Variants in PEX3 observed in about 807,000 individuals in gnomAD.
PEX3 encodes the protein peroxisomal biogenesis factor 3.
PEX3 carries 30 observed loss-of-function variants against 55.8 expected under a neutral mutation model. That is an observed-to-expected ratio of 0.54 (90% CI 0.40 to 0.73). The LOEUF (loss-of-function observed/expected upper bound fraction) is 0.73, where lower values mean the gene tolerates loss of function less well. Ranked by LOEUF, PEX3 falls within the 30% of genes least tolerant of loss-of-function variation. The probability of loss-of-function intolerance (pLI) is 0.00; values close to 1 mark genes in which losing one functional copy is unlikely to be tolerated. For missense variants in PEX3, 351 were observed against 432.8 expected (o/e 0.81, Z 1.68); for synonymous variants, 135 against 148.4 (o/e 0.91, Z 0.66).
In PEX3 at chr6:143,458,343, C is replaced by CT. The variant is rs973792612; in HGVS notation, c.74-734dup. Among the ~76,000 whole-genome samples the CT allele has an allele frequency of 1.1e-3, 169 of 152,122 alleles. No homozygotes were observed. The highest frequency in any genetic ancestry group is 3.9e-3 in the African/African-American group (163 of 41,500). ...TAGGAGTTTCTGTACCCTCTTCCCT[C>CT]TTTTTTTTCCAGTTAAGTTACTAAT... On this transcript the variant is annotated intron_variant, in intron 1 of 11. Transcript: ENST00000367591. The surrounding 1 kb of genome is among the most constrained non-coding windows in gnomAD (Gnocchi z 6.1).
Position 143,479,189 on chromosome 6 carries a change from CTA to C in PEX3, c.934_935del (p.Met312GlufsTer2), listed in dbSNP as rs1346675233. The C allele has an allele frequency of 6.2e-7, 1 of 1,603,470 alleles. No homozygotes were observed. Among genetic ancestry groups the C allele is most frequent in the Non-Finnish European group, 8.5e-7 (1 of 1,170,744 alleles). On this transcript the variant is annotated frameshift_variant, in exon 10 of 12. Transcript: ENST00000367591. LOFTEE classifies it high-confidence loss of function. The surrounding 1 kb of genome is among the most constrained non-coding windows in gnomAD (Gnocchi z 4.6). ...GAACAGGACCTGCAACATGGTAACTCTATGAATAGGTAAGATGACATATAAAA... is the reference window on the plus strand; with the variant it reads ...GAACAGGACCTGCAACATGGTAACTCTGAATAGGTAAGATGACATATAAAA...
At chr6:143,469,467 A>G (rs1427035648) in intron 4 of PEX3, among the ~76,000 whole-genome samples, 1 of 152,168 alleles carries the variant, frequency 6.6e-6, no homozygotes, top group Non-Finnish European at 1.5e-5. Context: ...GGCTGCATAA[A>G]TGTCTGCTTT....
rs1338503644 is a variant in PEX3, at chr6:143,483,311, GT to G, written c.942-1840del. On this transcript the variant is annotated intron_variant, in intron 10 of 11. Coordinates refer to ENST00000367591, the MANE Select transcript of PEX3 (RefSeq NM_003630.3). The surrounding 1 kb of genome is among the most constrained non-coding windows in gnomAD (Gnocchi z 4.3). ...AATATAATTGTATAAACTATGAGAA[GT>G]GTTATAAAGGAGAAGAACACTGAAC... Among the ~76,000 whole-genome samples, 2 of 152,108 alleles carry G rather than the reference GT, an allele frequency of 1.3e-5. No homozygotes were observed. The highest frequency in any genetic ancestry group is 4.8e-5 in the African/African-American group (2 of 41,400).
rs1779804419 is a variant in PEX3 at position 143,453,610 on chromosome 6, A to G, written c.73+2495A>G. Among the ~76,000 whole-genome samples the G allele has an allele frequency of 6.6e-6, 1 of 152,024 alleles. No homozygotes were observed. Among genetic ancestry groups the G allele is most frequent in the Non-Finnish European group, 1.5e-5 (1 of 68,024 alleles). On this transcript the variant is annotated intron_variant, in intron 1 of 11. Transcript: ENST00000367591. This position sits in a 1 kb window ranked among gnomAD's most constrained non-coding sequence, Gnocchi z 4.6. ...TTGTTTTCTCCTTTGCTAGCTTTAC[A>G]ATGTAAGGCAAGTAGAAAGGCTTCC...
At chr6:143,472,351 A>G in intron 8 of PEX3, 23 bp downstream of exon 8, 20 of 1,550,778 alleles carry the variant, frequency 1.3e-5, no homozygotes, top group Non-Finnish European at 1.8e-5. Context: ...TAACCATTTA[A>G]CCAAACCAGT....
Position 143,464,581 on chromosome 6 carries a change from G to A in PEX3, c.287+1584G>A, listed in dbSNP as rs1779969718. 6.6e-6 allele frequency among the ~76,000 whole-genome samples: 1 copy of A among 151,810 alleles called. No individual in the cohort carries two copies. Among genetic ancestry groups the A allele is most frequent in the Admixed American group, 6.6e-5 (1 of 15,232 alleles). ...TTTTTTCTTAATCGGTACACAGGGA[G>A]GAGAATTTCTTAAATTCTGGAGAAT... is the stretch of plus-strand genomic sequence containing the variant. On this transcript the variant is annotated intron_variant, in intron 3 of 11. Transcript: ENST00000367591. This position sits in a 1 kb window ranked among gnomAD's most constrained non-coding sequence, Gnocchi z 5.8.
chr6:143,485,338 G>A lies in PEX3; in HGVS notation c.1038+90G>A, dbSNP rs1780303409. 1 of 816,900 alleles carries A rather than the reference G, an allele frequency of 1.2e-6. No homozygotes were observed. The highest frequency in any genetic ancestry group is 1.7e-5 in the African/African-American group (1 of 59,660). 50.6% of individuals were successfully genotyped at this position (816,900 alleles called of 1,614,324 possible). A position where few individuals can be genotyped will look rare whatever the true frequency, so the allele number is the denominator to read the frequency against. On this transcript the variant is annotated intron_variant, in intron 11 of 11. Transcript: ENST00000367591. The surrounding 1 kb of genome is among the most constrained non-coding windows in gnomAD (Gnocchi z 5.6). ...CTAACATAAAGTTACATTCTCTGCTGAGAGGTTTTTTCAAAAAATCACAGA... is the reference window on the plus strand; with the variant it reads ...CTAACATAAAGTTACATTCTCTGCTAAGAGGTTTTTTCAAAAAATCACAGA...
chr6:143,477,397 T>C (rs1014769968), intron 9 of PEX3, among the ~76,000 whole-genome samples: 5 of 151,236 alleles, frequency 3.3e-5, no homozygotes, highest in African/African-American at 1.2e-4. Flanking sequence ...TCAATAAGTA[T>C]TTACTGAATT....
At chr6:143,468,811 C>CCG (rs1780029232) in intron 4 of PEX3, among the ~76,000 whole-genome samples, 1 of 75,090 alleles carries the variant, frequency 1.3e-5, no homozygotes, top group East Asian at 4.6e-4. Context: ...TCCCCCCCCC[C>CCG]CCCACCCCAC....
Position 143,479,488 on chromosome 6 carries a change from G to C in PEX3, c.941+290G>C, listed in dbSNP as rs1383058238. ...ATTATTGTTTTTTTTTAACTCTTTA[G>C]AATACAAAACTCACAATATGTTTTA... On this transcript the variant is annotated intron_variant, in intron 10 of 11. Transcript: ENST00000367591. This position sits in a 1 kb window ranked among gnomAD's most constrained non-coding sequence, Gnocchi z 4.6. Among the ~76,000 whole-genome samples the C allele has an allele frequency of 1.3e-5, 2 of 151,564 alleles. No homozygotes were observed. Among genetic ancestry groups the C allele is most frequent in the Admixed American group, 6.6e-5 (1 of 15,224 alleles).
chr6:143,459,081 G>A lies in PEX3; in HGVS notation c.74-4G>A, dbSNP rs1420252601. 7 of 1,572,592 alleles carry A rather than the reference G, an allele frequency of 4.5e-6. No homozygotes were observed. In the African/African-American group the frequency reaches 9.5e-5, roughly 21 times the overall value. ...TGAATATAGTACTTTTTTAATGATTGTAGGAGTATATATTCTGGGGAAATA... is the reference window on the plus strand; with the variant it reads ...TGAATATAGTACTTTTTTAATGATTATAGGAGTATATATTCTGGGGAAATA... On this transcript the variant is annotated splice_polypyrimidine_tract_variant and splice_region_variant and intron_variant, in intron 1 of 11. Transcript: ENST00000367591. This position sits in a 1 kb window ranked among gnomAD's most constrained non-coding sequence, Gnocchi z 4.2.
chr6:143,467,211 C>T (rs1359391863), intron 3 of PEX3, among the ~76,000 whole-genome samples: 1 of 151,898 alleles, frequency 6.6e-6, no homozygotes, highest in Non-Finnish European at 1.5e-5. Flanking sequence ...GTTGCTTTCA[C>T]CTATTTTTTA....
Position 143,479,075 on chromosome 6 carries a change from G to A in PEX3, c.819-1G>A. 1 of 1,552,766 alleles carries A rather than the reference G, an allele frequency of 6.4e-7. No homozygotes were observed. The highest frequency in any genetic ancestry group is 8.9e-7 in the Non-Finnish European group (1 of 1,124,632). On this transcript the variant is annotated splice_acceptor_variant, in intron 9 of 11. Coordinates refer to ENST00000367591, the MANE Select transcript of PEX3 (RefSeq NM_003630.3). LOFTEE classifies it high-confidence loss of function. This position sits in a 1 kb window ranked among gnomAD's most constrained non-coding sequence, Gnocchi z 4.6. ...TAACTTATACTTCTTACTTTATATA[G>A]CCCAGATTTTAGTACAGTTTTGAAT...
Position 143,451,198 on chromosome 6 carries a change from C to A in PEX3, c.73+83C>A. The A allele has an allele frequency of 1.0e-6, 1 of 986,220 alleles. No homozygotes were observed. The highest frequency in any genetic ancestry group is 1.6e-6 in the Non-Finnish European group (1 of 613,240). The allele number at this position is 986,220 out of a possible 1,614,324, so 61.1% of individuals were successfully genotyped here. A position where few individuals can be genotyped will look rare whatever the true frequency, so the allele number is the denominator to read the frequency against. On this transcript the variant is annotated intron_variant, in intron 1 of 11. Transcript: ENST00000367591. This position sits in a 1 kb window ranked among gnomAD's most constrained non-coding sequence, Gnocchi z 4.1. ...TCTTCTAAAATAAGGACAGGCCGGG[C>A]GATCCTAGTCTGGGATATGTAGAGG...
chr6:143,471,131 G>A lies in PEX3; in HGVS notation c.456+46G>A. The A allele has an allele frequency of 6.4e-7, 1 of 1,571,138 alleles. No individual in the cohort carries two copies. The highest frequency in any genetic ancestry group is 1.3e-5 in the African/African-American group (1 of 74,076). ...TAGACATTGTTCTTTCCCTCAGGAG[G>A]TTCAAAGTTTAACTTATTTATCCTG... On this transcript the variant is annotated intron_variant, in intron 5 of 11. Coordinates refer to ENST00000367591, the MANE Select transcript of PEX3 (RefSeq NM_003630.3). This position sits in a 1 kb window ranked among gnomAD's most constrained non-coding sequence, Gnocchi z 5.4.
rs1780251151 is a variant in PEX3 at position 143,482,219 on chromosome 6, T to C, written c.942-2933T>C. Among the ~76,000 whole-genome samples the C allele has an allele frequency of 6.6e-6, 1 of 152,092 alleles. No individual in the cohort carries two copies. Among genetic ancestry groups the C allele is most frequent in the Admixed American group, 6.6e-5 (1 of 15,252 alleles). The stretch of plus-strand genomic sequence containing the variant: ...AAAATAGGTAACTTTTACTGTTGGA[T>C]AGCGAAAAAAGAAAGAAAATAGACA... On this transcript the variant is annotated intron_variant, in intron 10 of 11. Transcript: ENST00000367591. This position sits in a 1 kb window ranked among gnomAD's most constrained non-coding sequence, Gnocchi z 5.5.
Position 143,472,347 on chromosome 6 carries a change from T to A in PEX3, c.747+19T>A. On this transcript the variant is annotated intron_variant, in intron 8 of 11. Coordinates refer to ENST00000367591, the MANE Select transcript of PEX3 (RefSeq NM_003630.3). Reference sequence around the variant, plus strand: ...AGTGCAGGTGCTTAATTCATAACCATTTAACCAAACCAGTTACTCTATTCT... The same window carrying A: ...AGTGCAGGTGCTTAATTCATAACCAATTAACCAAACCAGTTACTCTATTCT... 1 of 1,567,328 alleles carries A rather than the reference T, an allele frequency of 6.4e-7. No homozygotes were observed. Among genetic ancestry groups the A allele is most frequent in the Non-Finnish European group, 8.8e-7 (1 of 1,139,132 alleles).
chr6:143,477,251 G>A (rs931705388), intron 9 of PEX3, among the ~76,000 whole-genome samples: 4 of 152,118 alleles, frequency 2.6e-5, no homozygotes, highest in African/African-American at 4.8e-5. Flanking sequence ...GGGAATGTGG[G>A]AGCCAGGAGA....
rs2128748393 is a variant in PEX3, at chr6:143,489,429, G to A, written c.*203G>A. 2.1e-6 allele frequency: 1 copy of A among 467,524 alleles called. No homozygotes were observed. Among genetic ancestry groups the A allele is most frequent in the Middle Eastern group, 6.3e-4 (1 of 1,580 alleles). 29.0% of individuals were successfully genotyped at this position (467,524 alleles called of 1,614,324 possible). On this transcript the variant is annotated 3_prime_UTR_variant, in exon 12 of 12. Transcript: ENST00000367591. The surrounding 1 kb of genome is among the most constrained non-coding windows in gnomAD (Gnocchi z 5.5). ...ATTCATCAACAGACCAGTTTTTGTG[G>A]GCATATATATATACACGTGCAAATA...
Sources: gnomAD v4.1 joint callset for allele counts (sites outside exome capture counted in the v4.1 genomes callset) on GRCh38, gnomAD v4.1.1 for gene constraint, Gnocchi (gnomAD v3.1) non-coding constraint, MANE v1.5 for transcripts, NCBI Gene and HGNC (gene_info 2026-07-23, HGNC 2026-07-21) for gene names.